Variants in TTC28 observed in about 807,000 individuals in gnomAD.
TTC28 encodes tetratricopeptide repeat domain 28.
Under a neutral mutation model 198.0 loss-of-function variants are expected in TTC28, and 61 were observed. The ratio of observed to expected loss-of-function variants is 0.31; its 90% CI spans 0.25 to 0.38. TTC28 has a LOEUF of 0.38. Among genes scored for constraint, TTC28 ranks in the 10% least tolerant of loss-of-function variants. The pLI, the probability that TTC28 is intolerant of heterozygous loss-of-function variation, is 1.00. For missense variants in TTC28, 2,678 were observed against 3,164.0 expected (o/e 0.85, Z 3.69); for synonymous variants, 1,171 against 1,297.8 (o/e 0.90, Z 2.10).
intron 2 of TTC28, among the ~76,000 whole-genome samples, chr22:28,316,747 G>A: frequency 6.6e-6 from 1 of 152,024 alleles, no homozygotes; most frequent in Non-Finnish European, 1.5e-5. Context: ...TTGCCAGTAT[G>A]AAATATGATT....
intron 2 of TTC28, among the ~76,000 whole-genome samples, chr22:28,525,025 A>G (rs1181518189): frequency 6.6e-6 from 1 of 152,198 alleles, no homozygotes; most frequent in Non-Finnish European, 1.5e-5. Flanking sequence ...TGATAGAAAA[A>G]AAGTTCATTG....
rs150233575 is a variant in TTC28, at chr22:28,523,702, T to G, written c.381+105850A>C. Among the ~76,000 whole-genome samples, 9 of 152,326 alleles carry G rather than the reference T, an allele frequency of 5.9e-5. No homozygotes were observed. In the East Asian group the frequency reaches 1.7e-3, roughly 29 times the overall value. On this transcript the variant is annotated intron_variant, in intron 2 of 22. Transcript: ENST00000397906. ...TCAGAAAGATTAAGTTATTTTTTCA[T>G]GCACACACAGTTAGCAAAGAACACA...
At chr22:28,165,333 C>A (rs952415653) in intron 5 of TTC28, among the ~76,000 whole-genome samples, 10 of 152,090 alleles carry the variant, frequency 6.6e-5, no homozygotes, top group Non-Finnish European at 1.3e-4. Flanking sequence ...GAGAACACCA[C>A]AAAGATACTC....
intron 10 of TTC28, among the ~76,000 whole-genome samples, chr22:28,096,633 G>A (rs183065773): frequency 6.6e-6 from 1 of 152,058 alleles, no homozygotes; most frequent in East Asian, 1.9e-4. Flanking sequence ...TCAGACCTTC[G>A]CCTGTCTTGC....
chr22:28,597,455 C>T (rs1000321703), intron 2 of TTC28, among the ~76,000 whole-genome samples: 2 of 152,128 alleles, frequency 1.3e-5, no homozygotes, highest in Non-Finnish European at 2.9e-5. Context: ...AAACTATGCA[C>T]GTAAGCATCT....
At chr22:28,389,764 T>C (rs1244313882) in intron 2 of TTC28, among the ~76,000 whole-genome samples, 3 of 149,460 alleles carry the variant, frequency 2.0e-5, no homozygotes, top group Admixed American at 6.7e-5. Flanking sequence ...TAGTGGTCTA[T>C]CAATTTTGTT....
chr22:28,659,731 C>T (rs891383567), intron 1 of TTC28, among the ~76,000 whole-genome samples: 1 of 151,998 alleles, frequency 6.6e-6, no homozygotes, highest in Non-Finnish European at 1.5e-5. Context: ...CAATGAACTC[C>T]AGCCTGGGTG....
rs144363692 is a variant in TTC28 at position 28,610,753 on chromosome 22, G to A, written c.381+18799C>T. On this transcript the variant is annotated intron_variant, in intron 2 of 22. Coordinates refer to ENST00000397906, the MANE Select transcript of TTC28 (RefSeq NM_001145418.2). ...AATTGACAGAAGTAGGCTTCAGAAG[G>A]TGGGTAATAACAAACTCCTTCAAGC... is the stretch of plus-strand genomic sequence containing the variant. Among the ~76,000 whole-genome samples the A allele has an allele frequency of 3.8e-3, 581 of 152,104 alleles. 8 individuals are homozygous for A. The South Asian group carries it at 0.046, about 12-fold the overall frequency.
chr22:28,240,810 G>C lies in TTC28; in HGVS notation c.933+55388C>G, dbSNP rs1209703396. The stretch of plus-strand genomic sequence containing the variant: ...AATGGAGACAAGTCAAAAGAATGTA[G>C]TAATTAGCTTAAAAGGACTCCCAGT... On this transcript the variant is annotated intron_variant, in intron 5 of 22. Coordinates refer to ENST00000397906, the MANE Select transcript of TTC28 (RefSeq NM_001145418.2). Among the ~76,000 whole-genome samples, 3 of 152,162 alleles carry C rather than the reference G, an allele frequency of 2.0e-5. No individual in the cohort carries two copies. In the East Asian group the frequency reaches 5.8e-4, roughly 29 times the overall value.
At chr22:28,199,966 CA>C (rs1408299034) in intron 5 of TTC28, among the ~76,000 whole-genome samples, 2 of 152,000 alleles carry the variant, frequency 1.3e-5, no homozygotes, top group Non-Finnish European at 2.9e-5. Context: ...TACATAAAAA[CA>C]TTAACAATAA....
In TTC28 at chr22:27,982,767, G is replaced by T; in HGVS notation, c.6900C>A (p.Ser2300=). Residue 2300 remains serine (S), a synonymous_variant, in exon 23 of 23, where the codon TCC becomes TCA. Transcript: ENST00000397906. This position sits in a 1 kb window ranked among gnomAD's most constrained non-coding sequence, Gnocchi z 5.2. ...YPSSPYSAHI[S]KSPRNMSPSS... ...TTGGGGACATGTTCCTTGGTGATTTGGAAATGTGAGCGCTGTAAGGAGAGC... is the reference window on the plus strand; with the variant it reads ...TTGGGGACATGTTCCTTGGTGATTTTGAAATGTGAGCGCTGTAAGGAGAGC... 1 of 1,550,094 alleles carries T rather than the reference G, an allele frequency of 6.5e-7. No homozygotes were observed. The highest frequency in any genetic ancestry group is 2.4e-5 in the East Asian group (1 of 40,864).
At chr22:28,280,874 G>A (rs2044570842) in intron 5 of TTC28, among the ~76,000 whole-genome samples, 1 of 151,856 alleles carries the variant, frequency 6.6e-6, no homozygotes, top group Admixed American at 6.6e-5. Flanking sequence ...GAATTCTGGG[G>A]TTGACAGATT....
At chr22:28,409,332 T>A (rs945802127) in intron 2 of TTC28, among the ~76,000 whole-genome samples, 6 of 152,106 alleles carry the variant, frequency 3.9e-5, no homozygotes, top group African/African-American at 1.4e-4. Flanking sequence ...CAAAATCCCA[T>A]CAACAGTAGC....
intron 2 of TTC28, among the ~76,000 whole-genome samples, chr22:28,624,215 A>G (rs1336220406): frequency 6.6e-6 from 1 of 152,088 alleles, no homozygotes; most frequent in Non-Finnish European, 1.5e-5. Flanking sequence ...TGTCTCTACT[A>G]AAAATACAAA....
At chr22:28,115,492 C>T (rs1488786250) in intron 6 of TTC28, among the ~76,000 whole-genome samples, 1 of 152,194 alleles carries the variant, frequency 6.6e-6, no homozygotes, top group Non-Finnish European at 1.5e-5. Context: ...AAACCAAGCT[C>T]TTAGCAGCTG....
intron 6 of TTC28, among the ~76,000 whole-genome samples, chr22:28,136,884 T>C (rs138946277): frequency 1.3e-5 from 2 of 152,288 alleles, no homozygotes; most frequent in African/African-American, 2.4e-5. Flanking sequence ...TAGTAATATG[T>C]CTTTGCCGAG....
At chr22:28,591,570 T>G (rs546593164) in intron 2 of TTC28, among the ~76,000 whole-genome samples, 93 of 152,280 alleles carry the variant, frequency 6.1e-4, no homozygotes, top group Non-Finnish European at 1.1e-3. Flanking sequence ...ACGTGCTTTT[T>G]AAAAATTTTT....
intron 5 of TTC28, among the ~76,000 whole-genome samples, chr22:28,176,850 T>C (rs1011402869): frequency 1.3e-5 from 2 of 151,984 alleles, no homozygotes; most frequent in African/African-American, 4.8e-5. Flanking sequence ...AGACATCACA[T>C]ACAAAAAAAT....
intron 2 of TTC28, among the ~76,000 whole-genome samples, chr22:28,568,105 G>A (rs2050008385): frequency 6.6e-6 from 1 of 152,104 alleles, no homozygotes. Context: ...ATTCAGCTGT[G>A]AACTGCATTT....
Sources: allele counts gnomAD v4.1 joint callset (sites outside exome capture counted in the v4.1 genomes callset), GRCh38; gene constraint gnomAD v4.1.1; non-coding constraint Gnocchi (gnomAD v3.1); transcripts MANE v1.5; gene names NCBI Gene and HGNC (gene_info 2026-07-23, HGNC 2026-07-21).